AKAP17A: variants seen among roughly 807,000 people sequenced by gnomAD.
AKAP17A encodes the protein A-kinase anchoring protein 17A.
AKAP17A carries 15 observed loss-of-function variants against 52.2 expected under a neutral mutation model. The observed-to-expected ratio is 0.29, with a 90% CI of 0.19 to 0.44. AKAP17A has a LOEUF of 0.44. AKAP17A is among the 20% of genes least tolerant of loss of function. The probability of loss-of-function intolerance (pLI) is 1.00; values close to 1 mark genes in which losing one functional copy is unlikely to be tolerated. For missense variants in AKAP17A, 1,060 were observed against 1,007.0 expected, an observed-to-expected ratio of 1.05 and a Z score of -0.71; for synonymous variants, 514 against 424.7, an observed-to-expected ratio of 1.21 and a Z score of -2.58.
At chrX:1,597,614 C>T (rs1411362182) in intron 3 of AKAP17A, among the ~76,000 whole-genome samples, 2 of 151,912 alleles carry the variant, frequency 1.3e-5, no homozygotes, top group African/African-American at 4.8e-5. Context: ...TGCCTGTCCA[C>T]ATTCTGGAAG....
chrX:1,593,185 A>T (rs1391465433), intron 1 of AKAP17A, among the ~76,000 whole-genome samples: 1 of 152,126 alleles, frequency 6.6e-6, no homozygotes, highest in Non-Finnish European at 1.5e-5. Flanking sequence ...GGTGTCGGGC[A>T]GTGCTGACCG....
At chrX:1,600,627 C>A (rs375475140) in intron 4 of AKAP17A, 32 bp from the exon 5 acceptor site, 1 of 1,498,760 alleles carries the variant, frequency 6.7e-7, no homozygotes, top group Admixed American at 2.1e-5. Flanking sequence ...GCTCAGGAAC[C>A]GGGCTCAGCT....
chrX:1,593,415 G>C lies in AKAP17A; in HGVS notation c.-19-29G>C, dbSNP rs770323467. The stretch of plus-strand genomic sequence containing the variant: ...TTGGCGGGGGAGGTGGGGGGTGCTG[G>C]TGCTGACTGTCTGCGTCTTATGTTT... On this transcript the variant is annotated intron_variant, in intron 1 of 4. Transcript: ENST00000313871. 1.6e-5 allele frequency: 25 copies of C among 1,574,098 alleles called. No homozygotes were observed. The Admixed American group carries it at 4.3e-4, about 27-fold the overall frequency.
At chrX:1,595,283 G>A in intron 2 of AKAP17A, 101 bp from the exon 3 acceptor site, 6 of 1,531,022 alleles carry the variant, frequency 3.9e-6, no homozygotes, top group Admixed American at 1.9e-5. Context: ...GGGCGCTCAG[G>A]CTCTGAGGCC....
chrX:1,595,429 A>T lies in AKAP17A; in HGVS notation c.808A>T (p.Lys270Ter). Residue 270 changes from lysine (K) to a stop codon, truncating the protein, a stop_gained, in exon 3 of 5, where the codon AAG (lysine) becomes TAG (stop). Transcript: ENST00000313871. LOFTEE classifies it high-confidence loss of function. ...ACACCTGAGTGATGCCTCAATTAAG[A>T]AGCGGCAGCTGGAGAGGCAGAAGCT... ...TKHLSDASIK[K>*]RQLERQKLQE... 2 of 1,614,006 alleles carry T rather than the reference A, an allele frequency of 1.2e-6. No individual in the cohort carries two copies. Among genetic ancestry groups the T allele is most frequent in the Non-Finnish European group, 1.7e-6 (2 of 1,179,880 alleles).
chrX:1,593,634 A>G lies in AKAP17A; in HGVS notation c.172A>G (p.Met58Val). 1.2e-6 allele frequency: 2 copies of G among 1,613,928 alleles called. No homozygotes were observed. Among genetic ancestry groups the G allele is most frequent in the Non-Finnish European group, 1.7e-6 (2 of 1,179,864 alleles). The change falls in exon 2 of 5, where the codon ATG (methionine) becomes GTG (valine). Residue 58 changes from methionine (M) to valine (V), a missense_variant. Physicochemically the swap from Met to Val is conservative, Grantham distance 21. Coordinates refer to ENST00000313871, the MANE Select transcript of AKAP17A (RefSeq NM_005088.3). ...NWEVMERLKG[M>V]VQNHQFSTLR... ...GGAGGTGATGGAGAGGCTGAAGGGCATGGTGCAGAACCACCAGTTCTCCAC... is the reference window on the plus strand; with the variant it reads ...GGAGGTGATGGAGAGGCTGAAGGGCGTGGTGCAGAACCACCAGTTCTCCAC...
intron 3 of AKAP17A, among the ~76,000 whole-genome samples, chrX:1,595,783 G>C (rs1465691387): frequency 6.6e-6 from 1 of 151,190 alleles, no homozygotes; most frequent in African/African-American, 2.4e-5. Context: ...GTGCGTGCAT[G>C]TGTGTGAGCT....
chrX:1,595,732 C>T (rs190339342), intron 3 of AKAP17A, among the ~76,000 whole-genome samples, 200 bp downstream of exon 3: 68 of 151,938 alleles, frequency 4.5e-4, no homozygotes, highest in East Asian at 7.7e-4. Flanking sequence ...TATGTGCGCC[C>T]GAGTGTGTGC....
At chrX:1,595,078 G>A (rs2149440795) in intron 2 of AKAP17A, among the ~76,000 whole-genome samples, 1 of 152,374 alleles carries the variant, frequency 6.6e-6, no homozygotes, top group South Asian at 2.1e-4. Context: ...AAGGGGAGCT[G>A]TGTCTCGCAG....
At chrX:1,597,348 C>G (rs760589589) in intron 3 of AKAP17A, among the ~76,000 whole-genome samples, 4 of 152,148 alleles carry the variant, frequency 2.6e-5, no homozygotes, top group African/African-American at 9.7e-5. Flanking sequence ...CTGGGGGGGC[C>G]CATGTCAGCC....
chrX:1,599,011 G>A (rs1408559369), intron 3 of AKAP17A, among the ~76,000 whole-genome samples, 181 bp from the exon 4 acceptor site: 8 of 152,206 alleles, frequency 5.3e-5, no homozygotes, highest in South Asian at 2.1e-4. Flanking sequence ...GTCCTCGCCC[G>A]GCTCACTCCT....
intron 3 of AKAP17A, among the ~76,000 whole-genome samples, chrX:1,598,849 G>A (rs755221549): frequency 6.6e-6 from 1 of 152,314 alleles, no homozygotes; most frequent in Non-Finnish European, 1.5e-5. Context: ...TGTTGGGCCT[G>A]CTGGGGTTCC....
rs781613277 is a variant in AKAP17A at position 1,601,465 on chromosome X, CAGGCACCGG to C, written c.1963_1971del (p.His655_Arg657del). On this transcript the variant is annotated inframe_deletion, in exon 5 of 5. Coordinates refer to ENST00000313871, the MANE Select transcript of AKAP17A (RefSeq NM_005088.3). ...GGTCCCGGAGGTCCCACAGCAAAGA[CAGGCACCGG>C]AGGGAGCGGAGCCGGGAGCGGAGGG... The C allele has an allele frequency of 1.5e-5, 23 of 1,573,622 alleles. No individual in the cohort carries two copies. The highest frequency in any genetic ancestry group is 1.9e-5 in the Non-Finnish European group (22 of 1,167,852).
At chrX:1,597,540 G>A (rs1724737075) in intron 3 of AKAP17A, among the ~76,000 whole-genome samples, 1 of 152,124 alleles carries the variant, frequency 6.6e-6, no homozygotes. Flanking sequence ...TGGGGTGGGA[G>A]ACAGTCCTGG....
intron 3 of AKAP17A, among the ~76,000 whole-genome samples, chrX:1,597,004 G>A (rs1313091714): frequency 2.0e-4 from 31 of 151,444 alleles, no homozygotes; most frequent in Non-Finnish European, 3.5e-4. Flanking sequence ...CGTCTGTTGC[G>A]CTTCATGTCG....
chrX:1,594,934 C>T (rs1442271790), intron 2 of AKAP17A, among the ~76,000 whole-genome samples: 1 of 152,180 alleles, frequency 6.6e-6, no homozygotes, highest in East Asian at 1.9e-4. Context: ...GTGTTTTGAC[C>T]GTGTTGGCTT....
chrX:1,595,699 G>C (rs1453845685), intron 3 of AKAP17A, among the ~76,000 whole-genome samples, 167 bp downstream of exon 3: 1 of 151,592 alleles, frequency 6.6e-6, no homozygotes, highest in Non-Finnish European at 1.5e-5. Flanking sequence ...CCTGTGAACC[G>C]GTGTGTGTAC....
rs1299530982 is a variant in AKAP17A, at chrX:1,600,958, GCACCCCCTCGGGGGC to G, written c.1455_1469del (p.His485_Gly489del). On this transcript the variant is annotated inframe_deletion, in exon 5 of 5. Transcript: ENST00000313871. Reference sequence around the variant, plus strand: ...CCGGCTGTGTGAGCGCCACCACGCTGCACCCCCTCGGGGGCCAGCCCCCGGCCGGTGCCCCCAAGG... The same window carrying G: ...CCGGCTGTGTGAGCGCCACCACGCTGCAGCCCCCGGCCGGTGCCCCCAAGG... 2.5e-6 allele frequency: 4 copies of G among 1,586,968 alleles called. No homozygotes were observed. The highest frequency in any genetic ancestry group is 3.4e-6 in the Non-Finnish European group (4 of 1,168,858).
rs1569351213 is a variant in AKAP17A at position 1,596,892 on chromosome X, G to GTGAGGCGGAATCCTCCTCCTCCTTCTCCA, written c.911+1361_911+1362insGAGGCGGAATCCTCCTCCTCCTTCTCCAT. ...GGTGGATTCCTCCTCCTCCTTCTCC[G>GTGAGGCGGAATCCTCCTCCTCCTTCTCCA]TCCCTCCCACCCTCCTAGTGAGGCG... On this transcript the variant is annotated intron_variant, in intron 3 of 4. Coordinates refer to ENST00000313871, the MANE Select transcript of AKAP17A (RefSeq NM_005088.3). Among the ~76,000 whole-genome samples, 2 of 105,562 alleles carry GTGAGGCGGAATCCTCCTCCTCCTTCTCCA rather than the reference G, an allele frequency of 1.9e-5. 1 individual carries two copies. The highest frequency in any genetic ancestry group is 7.7e-5 in the African/African-American group (2 of 25,812). The allele number at this position is 105,562 out of a possible 152,430, so 69.3% of individuals were successfully genotyped here.
Sources: allele counts gnomAD v4.1 joint callset (sites outside exome capture counted in the v4.1 genomes callset), GRCh38; gene constraint gnomAD v4.1.1; transcripts MANE v1.5; gene names NCBI Gene and HGNC (gene_info 2026-07-23, HGNC 2026-07-21).